The following CPQ variants were observed in gnomAD, a reference collection of about 807,000 sequenced individuals.
CPQ encodes the protein carboxypeptidase Q, also known as Ser-Met dipeptidase.
Under a neutral mutation model 45.7 loss-of-function variants are expected in CPQ, and 37 were observed. The ratio of observed to expected loss-of-function variants is 0.81; its 90% CI spans 0.62 to 1.07. The LOEUF is 1.07. CPQ is among the 50% of genes least tolerant of loss of function. The probability of loss-of-function intolerance (pLI) is 0.00; values close to 1 mark genes in which losing one functional copy is unlikely to be tolerated. For missense variants in CPQ, 537 were observed against 572.9 expected (o/e 0.94, Z 0.64); for synonymous variants, 186 against 205.8 (o/e 0.90, Z 0.82).
intron 4 of CPQ, among the ~76,000 whole-genome samples, chr8:96,923,234 G>T (rs907474191): frequency 2.0e-5 from 3 of 152,148 alleles, no homozygotes; most frequent in Non-Finnish European, 4.4e-5. Context: ...GGAGTATAAA[G>T]AAGCAGTATA....
At chr8:96,755,710 G>A (rs553046190) in intron 1 of CPQ, among the ~76,000 whole-genome samples, 1 of 151,822 alleles carries the variant, frequency 6.6e-6, no homozygotes, top group South Asian at 2.1e-4. Context: ...ATTACAGACA[G>A]CAATAAATTT....
chr8:97,094,664 A>T (rs1444233778), intron 7 of CPQ, among the ~76,000 whole-genome samples: 1 of 152,034 alleles, frequency 6.6e-6, no homozygotes, highest in African/African-American at 2.4e-5. Flanking sequence ...AGCAACTCAA[A>T]CTGGCAATTA....
intron 3 of CPQ, among the ~76,000 whole-genome samples, chr8:96,840,030 G>A (rs1001857441): frequency 2.2e-4 from 34 of 152,108 alleles, no homozygotes; most frequent in South Asian, 2.1e-4. Flanking sequence ...CATGCTGTTA[G>A]ATTGTACCAA....
Position 96,794,876 on chromosome 8 carries a change from A to G in CPQ, c.433+9546A>G, listed in dbSNP as rs182826240. On this transcript the variant is annotated intron_variant, in intron 2 of 7. Coordinates refer to ENST00000220763, the MANE Select transcript of CPQ (RefSeq NM_016134.4). Reference sequence around the variant, plus strand: ...AGAATCACCTTTGCTCCATTTCCCAACAAGTTCCTCATCTCCATCTGAGAA... The same window carrying G: ...AGAATCACCTTTGCTCCATTTCCCAGCAAGTTCCTCATCTCCATCTGAGAA... Among the ~76,000 whole-genome samples, 348 of 152,182 alleles carry G rather than the reference A, an allele frequency of 2.3e-3. 4 individuals are homozygous for G. The highest frequency in any genetic ancestry group is 8.2e-3 in the African/African-American group (340 of 41,518).
At chr8:96,916,065 AG>A (rs1418730557) in intron 4 of CPQ, among the ~76,000 whole-genome samples, 5 of 152,200 alleles carry the variant, frequency 3.3e-5, no homozygotes, top group Non-Finnish European at 7.3e-5. Context: ...AAGAGAAGGC[AG>A]GATATCCTGC....
At chr8:97,119,328 C>CAAAAAAA in intron 7 of CPQ, among the ~76,000 whole-genome samples, 1 of 72,338 alleles carries the variant, frequency 1.4e-5, no homozygotes, top group Admixed American at 1.7e-4. Context: ...GACTCCATCT[C>CAAAAAAA]AAAAAAAAAA....
intron 7 of CPQ, among the ~76,000 whole-genome samples, chr8:97,085,201 T>C (rs933262438): frequency 2.8e-4 from 43 of 151,968 alleles, no homozygotes; most frequent in African/African-American, 1.0e-3. Flanking sequence ...CTGGGCAACA[T>C]AGCAAGACCC....
chr8:96,916,509 T>A (rs1336748875), intron 4 of CPQ, among the ~76,000 whole-genome samples: 1 of 152,194 alleles, frequency 6.6e-6, no homozygotes, highest in Non-Finnish European at 1.5e-5. Context: ...TAGAATAGTT[T>A]TAAATTTACT....
chr8:96,678,887 T>G (rs1297552189), intron 1 of CPQ, among the ~76,000 whole-genome samples: 1 of 151,882 alleles, frequency 6.6e-6, no homozygotes, highest in Non-Finnish European at 1.5e-5. Context: ...CTCTGTTGAT[T>G]GTTTTCTTTG....
intron 7 of CPQ, among the ~76,000 whole-genome samples, chr8:97,074,732 C>G (rs1358306953): frequency 6.6e-6 from 1 of 152,080 alleles, no homozygotes; most frequent in African/African-American, 2.4e-5. Context: ...GATTGTGCCA[C>G]TGCACTACAG....
At chr8:96,806,679 C>T (rs1811084232) in intron 2 of CPQ, among the ~76,000 whole-genome samples, 3 of 152,248 alleles carry the variant, frequency 2.0e-5, no homozygotes, top group South Asian at 2.1e-4. Flanking sequence ...TATTAAAGAA[C>T]ATGCAAATGA....
chr8:96,941,445 C>T (rs185105403), intron 4 of CPQ, among the ~76,000 whole-genome samples: 1 of 152,238 alleles, frequency 6.6e-6, no homozygotes, highest in East Asian at 1.9e-4. Context: ...TTCAGACTTT[C>T]AGCTGCCCAT....
chr8:96,894,113 C>T (rs755532687), intron 4 of CPQ, among the ~76,000 whole-genome samples: 1 of 152,204 alleles, frequency 6.6e-6, no homozygotes, highest in African/African-American at 2.4e-5. Context: ...CTGACTTCTT[C>T]TGCTATTAAC....
At chr8:96,700,582 C>T (rs779355557) in intron 1 of CPQ, among the ~76,000 whole-genome samples, 5 of 152,138 alleles carry the variant, frequency 3.3e-5, no homozygotes, top group Admixed American at 6.6e-5. Flanking sequence ...GGGTAGATAG[C>T]ACCACATTGG....
Position 96,716,260 on chromosome 8 carries a change from A to G in CPQ, c.-34-68604A>G, listed in dbSNP as rs371070353. Among the ~76,000 whole-genome samples, 75 of 152,344 alleles carry G rather than the reference A, an allele frequency of 4.9e-4. 1 individual carries two copies. The South Asian group carries it at 0.016, about 32-fold the overall frequency. ...AAAGAGTGCCAGCTGTGGTGGTAGC[A>G]GTGGATTTTTTGTTGTTGTTGTTTC... On this transcript the variant is annotated intron_variant, in intron 1 of 7. Transcript: ENST00000220763.
chr8:96,886,657 A>C (rs1812310823), intron 4 of CPQ, among the ~76,000 whole-genome samples: 1 of 152,248 alleles, frequency 6.6e-6, no homozygotes, highest in Non-Finnish European at 1.5e-5. Flanking sequence ...TATGTGGTAC[A>C]AACACATCTG....
chr8:96,662,778 G>C (rs564307536), intron 1 of CPQ, among the ~76,000 whole-genome samples: 167 of 152,108 alleles, frequency 1.1e-3, no homozygotes, highest in Non-Finnish European at 1.9e-3. Context: ...GCTTGAGCCC[G>C]GGAGTTCAAC....
chr8:96,660,098 C>T (rs1440547638), intron 1 of CPQ, among the ~76,000 whole-genome samples: 2 of 152,138 alleles, frequency 1.3e-5, no homozygotes, highest in African/African-American at 4.8e-5. Flanking sequence ...ACTGTATTTG[C>T]TAGTGCTACC....
intron 2 of CPQ, among the ~76,000 whole-genome samples, chr8:96,818,512 C>T (rs906838135): frequency 2.0e-5 from 3 of 151,788 alleles, no homozygotes; most frequent in Non-Finnish European, 2.9e-5. Flanking sequence ...GCAACAAACT[C>T]GATTTGTAAA....
Sources: gnomAD v4.1 joint callset for allele counts (sites outside exome capture counted in the v4.1 genomes callset) on GRCh38, gnomAD v4.1.1 for gene constraint, MANE v1.5 for transcripts, NCBI Gene and HGNC (gene_info 2026-07-23, HGNC 2026-07-21) for gene names.